The following AKAP7 variants were observed in gnomAD, a reference collection of about 807,000 sequenced individuals.
The protein encoded by AKAP7 is A kinase (PRKA) anchor protein 7.
AKAP7 carries 39 observed loss-of-function variants against 39.5 expected under a neutral mutation model. The ratio of observed to expected loss-of-function variants is 0.99; its 90% CI spans 0.76 to 1.29. The LOEUF (loss-of-function observed/expected upper bound fraction) is 1.29. Among genes scored for constraint, AKAP7 ranks in the 50% most tolerant of loss-of-function variants. The probability of loss-of-function intolerance (pLI) is 0.00; values close to 1 mark genes in which losing one functional copy is unlikely to be tolerated. For missense variants in AKAP7, 414 were observed against 407.7 expected (o/e 1.02, Z -0.13); for synonymous variants, 140 against 139.1 (o/e 1.01, Z -0.05).
chr6:131,198,125 C>G (rs1447018570), intron 5 of AKAP7, among the ~76,000 whole-genome samples: 1 of 152,160 alleles, frequency 6.6e-6, no homozygotes, highest in Non-Finnish European at 1.5e-5. Context: ...GGACATGTTC[C>G]AAGACTCTTT....
At chr6:131,140,217 C>G (rs1010827975) in intron 1 of AKAP7, among the ~76,000 whole-genome samples, 1 of 152,082 alleles carries the variant, frequency 6.6e-6, no homozygotes, top group African/African-American at 2.4e-5. Flanking sequence ...GGCCTAATCT[C>G]CAGAGATTCT....
chr6:131,279,039 C>T (rs910808470), intron 7 of AKAP7, among the ~76,000 whole-genome samples: 5 of 152,096 alleles, frequency 3.3e-5, no homozygotes, highest in African/African-American at 9.7e-5. Context: ...AGACGTTTCT[C>T]TGTAGAGTAA....
intron 5 of AKAP7, among the ~76,000 whole-genome samples, chr6:131,174,678 A>G (rs1385881893): frequency 6.6e-6 from 1 of 152,266 alleles, no homozygotes; most frequent in Non-Finnish European, 1.5e-5. Flanking sequence ...ACCATATTTT[A>G]TAAGCTGTTT....
intron 7 of AKAP7, among the ~76,000 whole-genome samples, chr6:131,265,858 G>T (rs1264934555): frequency 1.3e-5 from 2 of 152,212 alleles, no homozygotes; most frequent in African/African-American, 2.4e-5. Context: ...TTCAATGTGT[G>T]GGGGGAAAAC....
intron 5 of AKAP7, among the ~76,000 whole-genome samples, chr6:131,180,813 C>CTTTTTTTGTTTGTTTTTTTTTTTTT (rs1010420193): frequency 9.4e-6 from 1 of 106,220 alleles, no homozygotes; most frequent in African/African-American, 3.1e-5. Context: ...TGAGACACCA[C>CTTTTTTTGTTTGTTTTTTTTTTTTT]TTTCTTTTTT....
intron 2 of AKAP7, among the ~76,000 whole-genome samples, chr6:131,155,001 G>C (rs939098682): frequency 2.2e-5 from 3 of 136,790 alleles, no homozygotes; most frequent in African/African-American, 8.4e-5. Context: ...ACATTTGTAA[G>C]AATGTTCCAA....
intron 7 of AKAP7, among the ~76,000 whole-genome samples, chr6:131,266,071 G>A (rs922664293): frequency 7.2e-5 from 11 of 152,158 alleles, no homozygotes; most frequent in African/African-American, 2.7e-4. Flanking sequence ...CAGAGATCCC[G>A]GGAGGAGACC....
chr6:131,183,693 G>T (rs1029094330), intron 5 of AKAP7, among the ~76,000 whole-genome samples: 1 of 152,160 alleles, frequency 6.6e-6, no homozygotes, highest in African/African-American at 2.4e-5. Flanking sequence ...TGAAGCTGCT[G>T]CTCCCCCTGG....
chr6:131,260,301 T>A (rs574045144), intron 7 of AKAP7, among the ~76,000 whole-genome samples: 1 of 152,256 alleles, frequency 6.6e-6, no homozygotes, highest in African/African-American at 2.4e-5. Context: ...ATGATTTATA[T>A]TTTTTTGGGC....
chr6:131,180,124 C>T (rs978749722), intron 5 of AKAP7, among the ~76,000 whole-genome samples: 7 of 152,224 alleles, frequency 4.6e-5, no homozygotes, highest in Non-Finnish European at 1.0e-4. Flanking sequence ...CAGCAGATGG[C>T]ACTGAGGCTG....
chr6:131,200,117 C>CTTAA (rs1170864426), intron 6 of AKAP7: 2 of 155,140 alleles, frequency 1.3e-5, no homozygotes, highest in African/African-American at 4.8e-5. Flanking sequence ...CCTGGAGGTA[C>CTTAA]TTTAAAGTAC....
chr6:131,162,555 T>C (rs1419738864), intron 3 of AKAP7, among the ~76,000 whole-genome samples: 1 of 152,212 alleles, frequency 6.6e-6, no homozygotes, highest in Non-Finnish European at 1.5e-5. Flanking sequence ...TATAGCCGTG[T>C]CACCAACCTG....
rs987370229 is a variant in AKAP7, at chr6:131,281,737, C to T, written c.*11C>T. On this transcript the variant is annotated 3_prime_UTR_variant, in exon 8 of 8. Transcript: ENST00000431975. The surrounding 1 kb of genome is among the most constrained non-coding windows in gnomAD (Gnocchi z 4.0). ...AACAACAGGAAATGAGCCCGGAACGCAGGCCCCCATGTCTCTGTGCAAAGC... is the reference window on the plus strand; with the variant it reads ...AACAACAGGAAATGAGCCCGGAACGTAGGCCCCCATGTCTCTGTGCAAAGC... 2 of 1,586,998 alleles carry T rather than the reference C, an allele frequency of 1.3e-6. No homozygotes were observed. The highest frequency in any genetic ancestry group is 1.3e-5 in the African/African-American group (1 of 74,338).
Position 131,265,036 on chromosome 6 carries a change from A to G in AKAP7, c.851-16494A>G, listed in dbSNP as rs1292060748. Among the ~76,000 whole-genome samples, 8 of 152,346 alleles carry G rather than the reference A, an allele frequency of 5.3e-5. No homozygotes were observed. In the East Asian group the frequency reaches 1.3e-3, roughly 26 times the overall value. ...CTTCAACACTGGGGATTATATTCCAATATGAGATTTTGAGGGGACAAACAT... is the reference window on the plus strand; with the variant it reads ...CTTCAACACTGGGGATTATATTCCAGTATGAGATTTTGAGGGGACAAACAT... On this transcript the variant is annotated intron_variant, in intron 7 of 7. Coordinates refer to ENST00000431975, the MANE Select transcript of AKAP7 (RefSeq NM_016377.4).
intron 6 of AKAP7, among the ~76,000 whole-genome samples, chr6:131,204,868 A>G (rs962528441): frequency 3.9e-5 from 6 of 152,138 alleles, no homozygotes; most frequent in Non-Finnish European, 8.8e-5. Flanking sequence ...TCCTGTTGAG[A>G]TGCTCTGTTT....
At chr6:131,141,566 T>G (rs1401602808) in intron 1 of AKAP7, among the ~76,000 whole-genome samples, 1 of 151,960 alleles carries the variant, frequency 6.6e-6, no homozygotes, top group East Asian at 1.9e-4. Context: ...CCTGAAAAGG[T>G]GGAAGTGGCT....
intron 7 of AKAP7, among the ~76,000 whole-genome samples, chr6:131,279,270 C>CT (rs917515704): frequency 3.3e-5 from 5 of 151,462 alleles, no homozygotes; most frequent in East Asian, 2.0e-4. Context: ...GGAAAATTCA[C>CT]TTTTTTTTTC....
At chr6:131,164,456 T>A (rs1347489350) in intron 3 of AKAP7, 2 of 455,758 alleles carry the variant, frequency 4.4e-6, no homozygotes, top group Non-Finnish European at 8.8e-6. Flanking sequence ...GGATTTCTCC[T>A]GGATGCAGAT....
intron 7 of AKAP7, among the ~76,000 whole-genome samples, chr6:131,220,403 A>G (rs1274602481): frequency 6.6e-6 from 1 of 152,238 alleles, no homozygotes; most frequent in Middle Eastern, 3.2e-3. Context: ...TCTTTCATCC[A>G]GAATAGAGCT....
Sources: gnomAD v4.1 joint callset for allele counts (sites outside exome capture counted in the v4.1 genomes callset) on GRCh38, gnomAD v4.1.1 for gene constraint, Gnocchi (gnomAD v3.1) non-coding constraint, MANE v1.5 for transcripts, NCBI Gene and HGNC (gene_info 2026-07-23, HGNC 2026-07-21) for gene names.